IL1RAPL1: variants seen among roughly 807,000 people sequenced by gnomAD.
The protein encoded by IL1RAPL1 is interleukin-1 receptor accessory protein-like 1.
In IL1RAPL1, 3 loss-of-function variants were observed where a neutral mutation model predicts 48.4. The observed-to-expected ratio is 0.06, with a 90% CI of 0.03 to 0.16. The LOEUF (loss-of-function observed/expected upper bound fraction) is 0.16, where lower values mean the gene tolerates loss of function less well. Among genes scored for constraint, IL1RAPL1 ranks in the 10% least tolerant of loss-of-function variants. The pLI, the probability that IL1RAPL1 is intolerant of heterozygous loss-of-function variation, is 1.00. For missense variants in IL1RAPL1, 349 were observed against 530.6 expected (o/e 0.66, Z 3.36); for synonymous variants, 185 against 187.7 (o/e 0.99, Z 0.12).
At chrX:29,261,639 T>G (rs938015593) in intron 2 of IL1RAPL1, among the ~76,000 whole-genome samples, 3 of 111,173 alleles carry the variant, frequency 2.7e-5, no homozygotes, top group Non-Finnish European at 3.8e-5. Context: ...TAAAAAAATA[T>G]AATCTACATG....
At chrX:28,638,299 C>T (rs1445208174) in intron 1 of IL1RAPL1, among the ~76,000 whole-genome samples, 1 of 111,089 alleles carries the variant, frequency 9.0e-6, no homozygotes, top group Non-Finnish European at 1.9e-5. Context: ...ATAATTAATC[C>T]TCATAAGTCA....
At chrX:29,506,383 T>G (rs1935327113) in intron 5 of IL1RAPL1, among the ~76,000 whole-genome samples, 1 of 111,352 alleles carries the variant, frequency 9.0e-6, no homozygotes, top group African/African-American at 3.3e-5. Context: ...TGCTTAAAGA[T>G]TCTTTTAATT....
chrX:28,795,697 CTTA>C (rs1173975291), intron 2 of IL1RAPL1, among the ~76,000 whole-genome samples: 2 of 110,428 alleles, frequency 1.8e-5, no homozygotes, highest in Non-Finnish European at 3.8e-5. Flanking sequence ...CAACTTATTA[CTTA>C]TTATTGCTTA....
intron 2 of IL1RAPL1, among the ~76,000 whole-genome samples, chrX:29,280,078 A>G (rs1265181440): frequency 8.9e-6 from 1 of 112,500 alleles, no homozygotes; most frequent in East Asian, 2.8e-4. Flanking sequence ...ATTGTAATTT[A>G]CATAGTGGTA....
chrX:29,872,751 T>G (rs1239398466), intron 6 of IL1RAPL1, among the ~76,000 whole-genome samples: 1 of 112,438 alleles, frequency 8.9e-6, no homozygotes, highest in African/African-American at 3.2e-5. Flanking sequence ...CATAATTGTT[T>G]CATACACTAG....
In IL1RAPL1 at chrX:29,289,211, G is replaced by A. The variant is rs1463237337; in HGVS notation, c.362+5994G>A. On this transcript the variant is annotated intron_variant, in intron 3 of 10. Coordinates refer to ENST00000378993, the MANE Select transcript of IL1RAPL1 (RefSeq NM_014271.4). ...TTTGCTTTTGTCGCAATTACTTTTG[G>A]CATTTTCATCATGAAATCTTAATTT... is the stretch of plus-strand genomic sequence containing the variant. Among the ~76,000 whole-genome samples the A allele has an allele frequency of 2.7e-5, 3 of 111,526 alleles. No individual in the cohort carries two copies. The Admixed American group carries it at 2.9e-4, about 11-fold the overall frequency.
chrX:28,808,772 C>T (rs976644735), intron 2 of IL1RAPL1, among the ~76,000 whole-genome samples: 5 of 110,700 alleles, frequency 4.5e-5, no homozygotes, highest in South Asian at 3.7e-4. Flanking sequence ...AAAGAGGTTA[C>T]GTTACTCTTT....
At chrX:29,911,194 A>G (rs906157596) in intron 6 of IL1RAPL1, among the ~76,000 whole-genome samples, 4 of 111,996 alleles carry the variant, frequency 3.6e-5, no homozygotes, top group African/African-American at 1.3e-4. Flanking sequence ...GCTATATAAC[A>G]TGAATAAACC....
chrX:29,666,766 C>T (rs934178694), intron 5 of IL1RAPL1, among the ~76,000 whole-genome samples: 7 of 110,804 alleles, frequency 6.3e-5, no homozygotes, highest in Non-Finnish European at 1.9e-5. Context: ...CTCTCAGGTG[C>T]TTTCTGTAAA....
At chrX:28,891,434 T>C (rs188644210) in intron 2 of IL1RAPL1, among the ~76,000 whole-genome samples, 2 of 112,047 alleles carry the variant, frequency 1.8e-5, no homozygotes, top group East Asian at 5.6e-4. Flanking sequence ...AACATTTTCT[T>C]TACTCCATTA....
intron 2 of IL1RAPL1, among the ~76,000 whole-genome samples, chrX:29,073,609 A>G (rs1927611695): frequency 9.0e-6 from 1 of 111,597 alleles, no homozygotes; most frequent in African/African-American, 3.3e-5. Flanking sequence ...TGTAATGATA[A>G]GACATCCATA....
At chrX:28,991,319 A>G (rs1203788767) in intron 2 of IL1RAPL1, among the ~76,000 whole-genome samples, 1 of 112,138 alleles carries the variant, frequency 8.9e-6, no homozygotes, top group African/African-American at 3.2e-5. Flanking sequence ...TGAGAACTCT[A>G]TGCTTATCAG....
At chrX:28,774,660 T>A (rs1936344069) in intron 1 of IL1RAPL1, among the ~76,000 whole-genome samples, 1 of 111,709 alleles carries the variant, frequency 9.0e-6, no homozygotes, top group South Asian at 3.7e-4. Context: ...AGAAATGACA[T>A]ACCATCACTC....
At chrX:29,323,546 A>G (rs183825601) in intron 3 of IL1RAPL1, among the ~76,000 whole-genome samples, 26 of 101,112 alleles carry the variant, frequency 2.6e-4, no homozygotes, top group Middle Eastern at 0.01. Flanking sequence ...CACCTTTTGG[A>G]TAGAGGTGCC....
chrX:29,834,448 C>G (rs768460335), intron 6 of IL1RAPL1, among the ~76,000 whole-genome samples: 3 of 109,532 alleles, frequency 2.7e-5, no homozygotes, highest in African/African-American at 1.0e-4. Context: ...CACAGCACAA[C>G]CTCTCAACGC....
intron 3 of IL1RAPL1, among the ~76,000 whole-genome samples, chrX:29,321,463 A>G (rs1285978825): frequency 8.9e-6 from 1 of 112,228 alleles, no homozygotes; most frequent in Non-Finnish European, 1.9e-5. Context: ...AGTGAAGTGC[A>G]TTGGCAGATA....
chrX:29,731,326 T>C (rs1927913306), intron 6 of IL1RAPL1, among the ~76,000 whole-genome samples: 1 of 112,306 alleles, frequency 8.9e-6, no homozygotes, highest in Non-Finnish European at 1.9e-5. Context: ...GTCCACTTTA[T>C]GCTAGCTGGT....
chrX:28,864,652 A>G (rs989095954), intron 2 of IL1RAPL1, among the ~76,000 whole-genome samples: 7 of 111,384 alleles, frequency 6.3e-5, no homozygotes, highest in Admixed American at 3.8e-4. Flanking sequence ...TGGGAACTAC[A>G]GTGTGAAAGG....
At chrX:29,889,685 T>TATGTTTGTC (rs1266663124) in intron 6 of IL1RAPL1, among the ~76,000 whole-genome samples, 3 of 111,273 alleles carry the variant, frequency 2.7e-5, no homozygotes, top group African/African-American at 9.7e-5. Flanking sequence ...TACATATGCA[T>TATGTTTGTC]ATGTTTGTCA....
Sources: allele counts gnomAD v4.1 joint callset (sites outside exome capture counted in the v4.1 genomes callset), GRCh38; gene constraint gnomAD v4.1.1; transcripts MANE v1.5; gene names NCBI Gene and HGNC (gene_info 2026-07-23, HGNC 2026-07-21).